The following ELMO1 variants were observed in gnomAD, a reference collection of about 807,000 sequenced individuals.
ELMO1 encodes the protein engulfment and cell motility 1, also known as engulfment and cell motility protein 1.
A neutral mutation model predicts 98.9 loss-of-function variants in ELMO1; 26 were observed. The ratio of observed to expected loss-of-function variants is 0.26; its 90% CI spans 0.19 to 0.36. The LOEUF (loss-of-function observed/expected upper bound fraction) is 0.36. Among genes scored for constraint, ELMO1 ranks in the 10% least tolerant of loss-of-function variants. ELMO1 has a pLI of 1.00. For missense variants in ELMO1, 627 were observed against 935.2 expected (o/e 0.67, Z 4.30); for synonymous variants, 346 against 346.0 (o/e 1.00, Z 0.00).
At chr7:37,272,619 G>A (rs1179866783) in intron 4 of ELMO1, among the ~76,000 whole-genome samples, 3 of 151,654 alleles carry the variant, frequency 2.0e-5, no homozygotes, top group African/African-American at 7.3e-5. Context: ...AGGTTGCAGT[G>A]AGCTGAGATA....
intron 15 of ELMO1, among the ~76,000 whole-genome samples, chr7:37,038,934 C>A (rs1210103316): frequency 6.6e-6 from 1 of 152,188 alleles, no homozygotes; most frequent in Non-Finnish European, 1.5e-5. Flanking sequence ...CCCTTGTGAA[C>A]TCATCTAAAC....
intron 1 of ELMO1, among the ~76,000 whole-genome samples, chr7:37,399,746 G>C (rs139216932): frequency 6.6e-6 from 1 of 152,172 alleles, no homozygotes; most frequent in African/African-American, 2.4e-5. Flanking sequence ...ATCTTTAGGG[G>C]AGATTACATG....
intron 16 of ELMO1, among the ~76,000 whole-genome samples, chr7:36,961,085 T>G (rs1431096575): frequency 6.6e-6 from 1 of 152,158 alleles, no homozygotes; most frequent in Non-Finnish European, 1.5e-5. Context: ...CTGCAGTTCC[T>G]CCAGTCATTG....
intron 20 of ELMO1, among the ~76,000 whole-genome samples, chr7:36,866,686 G>A (rs994426044): frequency 1.8e-4 from 27 of 152,294 alleles, no homozygotes; most frequent in African/African-American, 5.8e-4. Flanking sequence ...TTAACCATGG[G>A]TCTCATGGCA....
chr7:37,378,111 C>T (rs1269904355), intron 1 of ELMO1, among the ~76,000 whole-genome samples: 1 of 152,166 alleles, frequency 6.6e-6, no homozygotes, highest in Admixed American at 6.5e-5. Context: ...AGTTCAGAAA[C>T]AAAATCCGGA....
chr7:36,965,012 C>T (rs1789292278), intron 16 of ELMO1, among the ~76,000 whole-genome samples: 1 of 152,124 alleles, frequency 6.6e-6, no homozygotes, highest in Non-Finnish European at 1.5e-5. Context: ...TGGGCTCTGG[C>T]CATCTTCCCA....
chr7:36,902,853 G>C, intron 16 of ELMO1, among the ~76,000 whole-genome samples: 1 of 152,174 alleles, frequency 6.6e-6, no homozygotes, highest in Non-Finnish European at 1.5e-5. Context: ...TTGAATATCT[G>C]TTCCTTCTAC....
At chr7:37,413,903 C>T (rs1804102323) in intron 1 of ELMO1, among the ~76,000 whole-genome samples, 1 of 152,060 alleles carries the variant, frequency 6.6e-6, no homozygotes, top group Non-Finnish European at 1.5e-5. Context: ...GTCTGGAACT[C>T]CTGGTCTCAA....
chr7:36,968,023 T>C (rs1441007049), intron 16 of ELMO1, among the ~76,000 whole-genome samples: 1 of 152,254 alleles, frequency 6.6e-6, no homozygotes, highest in African/African-American at 2.4e-5. Context: ...TGAGTAATAT[T>C]AGAAAGAAAT....
chr7:37,170,386 C>T (rs1790065873), intron 13 of ELMO1, among the ~76,000 whole-genome samples: 1 of 152,084 alleles, frequency 6.6e-6, no homozygotes, highest in African/African-American at 2.4e-5. Context: ...GTAATGAAAA[C>T]CCTGAGATAT....
At chr7:37,151,296 G>A (rs1419603349) in intron 13 of ELMO1, among the ~76,000 whole-genome samples, 2 of 152,124 alleles carry the variant, frequency 1.3e-5, no homozygotes, top group African/African-American at 4.8e-5. Flanking sequence ...TGTAATCCTT[G>A]AAGCCTACAC....
chr7:37,014,471 C>T (rs927296871), intron 15 of ELMO1, among the ~76,000 whole-genome samples: 21 of 151,986 alleles, frequency 1.4e-4, no homozygotes, highest in Admixed American at 1.0e-3. Context: ...AAGTGCAGAA[C>T]GTGCAGGTTT....
At chr7:36,923,047 C>T (rs577965413) in intron 16 of ELMO1, among the ~76,000 whole-genome samples, 99 of 152,318 alleles carry the variant, frequency 6.5e-4, no homozygotes, top group African/African-American at 2.3e-3. Context: ...CAAGCTGTCA[C>T]TCCCTCCAGT....
At chr7:37,136,595 C>A (rs1169722143) in intron 13 of ELMO1, among the ~76,000 whole-genome samples, 1 of 152,100 alleles carries the variant, frequency 6.6e-6, no homozygotes, top group Non-Finnish European at 1.5e-5. Flanking sequence ...AAACAATTAT[C>A]GGCCAAGAAT....
chr7:37,414,545 C>T (rs767130887), intron 1 of ELMO1, among the ~76,000 whole-genome samples: 16 of 152,312 alleles, frequency 1.1e-4, no homozygotes, highest in African/African-American at 2.2e-4. Context: ...ATTCTCTGAT[C>T]GCCACCCTGC....
At chr7:37,133,275 C>G in intron 13 of ELMO1, 41 bp from the exon 14 acceptor site, 1 of 1,492,772 alleles carries the variant, frequency 6.7e-7, no homozygotes, top group Non-Finnish European at 9.3e-7. Context: ...AATTCTTCAG[C>G]AGATTTTACC....
rs868615735 is a variant in ELMO1, at chr7:37,179,403, G to A, written c.1086+31983C>T. Among the ~76,000 whole-genome samples the A allele has an allele frequency of 8.0e-5, 12 of 150,198 alleles. No individual in the cohort carries two copies. In the South Asian group the frequency reaches 1.5e-3, roughly 19 times the overall value. ...AGTGATTCTCCCACCTCAGCCTCCC[G>A]AGTATCTGTGATTACAGGGGCCCGC... On this transcript the variant is annotated intron_variant, in intron 13 of 21. Transcript: ENST00000310758.
At chr7:37,132,863 T>A (rs1416812513) in intron 14 of ELMO1, 1 of 235,344 alleles carries the variant, frequency 4.2e-6, no homozygotes, top group Non-Finnish European at 8.1e-6. Flanking sequence ...GTTTTTGTCA[T>A]AATTCAATAT....
Position 36,936,402 on chromosome 7 carries a change from T to A in ELMO1, c.1438-41385A>T, listed in dbSNP as rs140584456. On this transcript the variant is annotated intron_variant, in intron 16 of 21. Coordinates refer to ENST00000310758, the MANE Select transcript of ELMO1 (RefSeq NM_014800.11). Reference sequence around the variant, plus strand: ...ACCCCTGGATTACGCTGGCCCTGAATTCTACCTTAGTCTGGCTTCTAGTTA... The same window carrying A: ...ACCCCTGGATTACGCTGGCCCTGAAATCTACCTTAGTCTGGCTTCTAGTTA... Among the ~76,000 whole-genome samples, 79 of 152,316 alleles carry A rather than the reference T, an allele frequency of 5.2e-4. 2 individuals are homozygous for A. In the East Asian group the frequency reaches 0.015, roughly 29 times the overall value.
Sources: allele counts gnomAD v4.1 joint callset (sites outside exome capture counted in the v4.1 genomes callset), GRCh38; gene constraint gnomAD v4.1.1; transcripts MANE v1.5; gene names NCBI Gene and HGNC (gene_info 2026-07-23, HGNC 2026-07-21).